Variants in PIP5K1B observed in about 807,000 individuals in gnomAD.
The protein encoded by PIP5K1B is phosphatidylinositol-4-phosphate 5-kinase type 1 beta.
PIP5K1B carries 42 observed loss-of-function variants against 67.0 expected under a neutral mutation model. That is an observed-to-expected ratio of 0.63 (90% confidence interval 0.49 to 0.81). The LOEUF is 0.81. Among genes scored for constraint, PIP5K1B ranks in the 30% least tolerant of loss-of-function variants. The pLI, the probability that PIP5K1B is intolerant of heterozygous loss-of-function variation, is 0.00. For missense variants in PIP5K1B, 459 were observed against 646.3 expected (o/e 0.71, Z 3.14); for synonymous variants, 214 against 231.4 (o/e 0.92, Z 0.68).
intron 1 of PIP5K1B, among the ~76,000 whole-genome samples, chr9:68,729,549 A>G (rs1828316966): frequency 6.6e-6 from 1 of 152,196 alleles, no homozygotes; most frequent in Non-Finnish European, 1.5e-5. Flanking sequence ...GAACATATCT[A>G]TATCTATACA....
rs139430299 is a variant in PIP5K1B at position 68,885,405 on chromosome 9, A to G, written c.319-3576A>G. On this transcript the variant is annotated intron_variant, in intron 6 of 15. Coordinates refer to ENST00000265382, the MANE Select transcript of PIP5K1B (RefSeq NM_003558.4). The stretch of plus-strand genomic sequence containing the variant: ...TGGTGATCCATTGTACAGCGAGGTG[A>G]ACACAGTTAATGTATATCTTTCTAA... 5.6e-3 allele frequency among the ~76,000 whole-genome samples: 850 copies of G among 152,280 alleles called. 6 individuals carry two copies. The highest frequency in any genetic ancestry group is 0.019 in the African/African-American group (780 of 41,534).
chr9:68,770,822 C>T (rs547118446), intron 2 of PIP5K1B, among the ~76,000 whole-genome samples: 39 of 152,154 alleles, frequency 2.6e-4, no homozygotes, highest in East Asian at 5.8e-4. Context: ...TGTTGGGGAC[C>T]GCTGCTGTAG....
At chr9:69,006,001 T>C (rs900704784) in intron 15 of PIP5K1B, among the ~76,000 whole-genome samples, 24 of 151,850 alleles carry the variant, frequency 1.6e-4, no homozygotes, top group African/African-American at 5.8e-4. Context: ...CACCTTAGCC[T>C]CCTGAGTAGC....
chr9:68,786,331 A>T (rs1037746067), intron 2 of PIP5K1B, among the ~76,000 whole-genome samples: 17 of 152,306 alleles, frequency 1.1e-4, no homozygotes, highest in African/African-American at 3.8e-4. Context: ...GAGTGTTTAA[A>T]ATCCTCATGA....
intron 14 of PIP5K1B, among the ~76,000 whole-genome samples, chr9:68,961,908 C>T (rs746041254): frequency 1.3e-5 from 2 of 152,194 alleles, no homozygotes; most frequent in Admixed American, 6.5e-5. Flanking sequence ...TTACCTGCTG[C>T]TTAACCAGAC....
intron 2 of PIP5K1B, chr9:68,789,524 G>T (rs1465430282): frequency 3.9e-6 from 2 of 517,792 alleles, no homozygotes; most frequent in East Asian, 5.5e-5. Context: ...GAGGGGTAGG[G>T]ATAACTGGAG....
At chr9:68,934,008 C>T (rs1386014433) in intron 12 of PIP5K1B, among the ~76,000 whole-genome samples, 1 of 152,192 alleles carries the variant, frequency 6.6e-6, no homozygotes, top group African/African-American at 2.4e-5. Flanking sequence ...GGAAGAGAGA[C>T]ACTGCCAAAA....
chr9:68,827,907 G>A (rs1416584470), intron 4 of PIP5K1B, among the ~76,000 whole-genome samples: 1 of 152,220 alleles, frequency 6.6e-6, no homozygotes, highest in African/African-American at 2.4e-5. Flanking sequence ...ACTGATGCTA[G>A]ACATTCAAGT....
At chr9:68,854,179 G>A (rs1284011708) in intron 4 of PIP5K1B, among the ~76,000 whole-genome samples, 1 of 138,726 alleles carries the variant, frequency 7.2e-6, no homozygotes, top group Non-Finnish European at 1.5e-5. Flanking sequence ...CATCCAAGCT[G>A]AAATGCAGTG....
chr9:68,946,060 A>G (rs1485669328), intron 14 of PIP5K1B, among the ~76,000 whole-genome samples: 4 of 152,246 alleles, frequency 2.6e-5, no homozygotes, highest in Non-Finnish European at 5.9e-5. Context: ...CCAAATCACT[A>G]CGTAATCATC....
chr9:68,769,960 C>T (rs944757828), intron 2 of PIP5K1B, among the ~76,000 whole-genome samples: 6 of 152,340 alleles, frequency 3.9e-5, no homozygotes, highest in African/African-American at 1.4e-4. Context: ...CACCTGCCTA[C>T]GGTGTGGCTC....
At chr9:68,980,086 T>C (rs1829827130) in intron 14 of PIP5K1B, among the ~76,000 whole-genome samples, 1 of 152,208 alleles carries the variant, frequency 6.6e-6, no homozygotes, top group African/African-American at 2.4e-5. Flanking sequence ...AGCCGCTCTG[T>C]CCTGGCAGGA....
intron 4 of PIP5K1B, among the ~76,000 whole-genome samples, chr9:68,826,700 A>G (rs1834003283): frequency 6.6e-6 from 1 of 152,208 alleles, no homozygotes; most frequent in African/African-American, 2.4e-5. Flanking sequence ...GAAAAAATTA[A>G]ATCTTGACCC....
chr9:68,773,239 C>G (rs1195760689), intron 2 of PIP5K1B, among the ~76,000 whole-genome samples: 1 of 152,216 alleles, frequency 6.6e-6, no homozygotes, highest in East Asian at 1.9e-4. Flanking sequence ...AGTTCCTCCA[C>G]CCCCTTGGCA....
intron 2 of PIP5K1B, among the ~76,000 whole-genome samples, chr9:68,750,990 G>A (rs1225960624): frequency 6.6e-6 from 1 of 152,210 alleles, no homozygotes; most frequent in Non-Finnish European, 1.5e-5. Context: ...CTGCCTGGGA[G>A]TGCCTTTCAA....
intron 8 of PIP5K1B, among the ~76,000 whole-genome samples, chr9:68,897,159 A>G (rs1229568614): frequency 1.3e-5 from 2 of 152,290 alleles, no homozygotes; most frequent in East Asian, 3.9e-4. Flanking sequence ...GCACCTATCA[A>G]TCAGGAATCT....
At chr9:68,723,028 A>AT (rs1827964234) in intron 1 of PIP5K1B, among the ~76,000 whole-genome samples, 1 of 152,180 alleles carries the variant, frequency 6.6e-6, no homozygotes, top group African/African-American at 2.4e-5. Context: ...TAGCTCCCAC[A>AT]TACGAGTGAG....
At chr9:68,859,429 TC>T (rs1403035584) in intron 4 of PIP5K1B, among the ~76,000 whole-genome samples, 1 of 152,242 alleles carries the variant, frequency 6.6e-6, no homozygotes, top group Non-Finnish European at 1.5e-5. Context: ...ACATATTGCC[TC>T]CACTTAGCCC....
At chr9:68,872,801 A>G (rs1044604344) in intron 5 of PIP5K1B, among the ~76,000 whole-genome samples, 1 of 152,248 alleles carries the variant, frequency 6.6e-6, no homozygotes, top group Non-Finnish European at 1.5e-5. Context: ...AGATCTTGCC[A>G]TGTCAGTACA....
Sources: allele counts gnomAD v4.1 joint callset (sites outside exome capture counted in the v4.1 genomes callset), GRCh38; gene constraint gnomAD v4.1.1; transcripts MANE v1.5; gene names NCBI Gene and HGNC (gene_info 2026-07-23, HGNC 2026-07-21).